DICER1: variants seen among roughly 807,000 people sequenced by gnomAD.
The protein encoded by DICER1 is dicer 1, ribonuclease III, also known as endoribonuclease Dicer.
DICER1 carries 43 observed loss-of-function variants against 194.1 expected under a neutral mutation model. That is an observed-to-expected ratio of 0.22 (90% confidence interval 0.17 to 0.29). The LOEUF (loss-of-function observed/expected upper bound fraction) is 0.29, where lower values mean the gene tolerates loss of function less well. Among genes scored for constraint, DICER1 ranks in the 10% least tolerant of loss-of-function variants. The pLI is 1.00. For synonymous variants in DICER1, 832 were observed against 820.5 expected, an observed-to-expected ratio of 1.01 and a Z score of -0.24; for missense variants, 1,608 against 2,317.0, an observed-to-expected ratio of 0.69 and a Z score of 6.28.
Position 95,126,575 on chromosome 14 carries a change from C to T in DICER1, c.903+5G>A. 6.8e-7 allele frequency: 1 copy of T among 1,480,750 alleles called. No individual in the cohort carries two copies. The highest frequency in any genetic ancestry group is 9.4e-7 in the Non-Finnish European group (1 of 1,059,906). The allele number at this position is 1,480,750 out of a possible 1,614,324, so 91.7% of individuals were successfully genotyped here. ...AATCACTATACCTACTTGGTATATG[C>T]TTACCTGTTTCGAAATTAAAGTAGA... On this transcript the variant is annotated splice_donor_5th_base_variant and intron_variant, in intron 7 of 26. Transcript: ENST00000343455.
In DICER1 at chr14:95,108,307, CATT is replaced by C. The variant is rs1566777615; in HGVS notation, c.2436+14_2436+16del. On this transcript the variant is annotated intron_variant, in intron 15 of 26. Coordinates refer to ENST00000343455, the MANE Select transcript of DICER1 (RefSeq NM_177438.3). ...GCAAGACGTTTTTGACATAAGTACT[CATT>C]ATGAAATACCTACCTGAGGTATGGG... 1 of 1,608,120 alleles carries C rather than the reference CATT, an allele frequency of 6.2e-7. No individual in the cohort carries two copies. Among genetic ancestry groups the C allele is most frequent in the African/African-American group, 1.3e-5 (1 of 74,542 alleles).
rs781520963 is a variant in DICER1, at chr14:95,090,453, A to C, written c.*45T>G. Reference sequence around the variant, plus strand: ...TTCCGATTTAAATAATTTTCCCCTTAATTTTTTTTGTTTTGTTTCTTGTTT... The same window carrying C: ...TTCCGATTTAAATAATTTTCCCCTTCATTTTTTTTGTTTTGTTTCTTGTTT... On this transcript the variant is annotated 3_prime_UTR_variant, in exon 27 of 27. Transcript: ENST00000343455. 6.2e-7 allele frequency: 1 copy of C among 1,601,256 alleles called. No individual in the cohort carries two copies. Among genetic ancestry groups the C allele is most frequent in the South Asian group, 1.1e-5 (1 of 90,750 alleles).
chr14:95,120,132 T>C (rs898564368), intron 8 of DICER1, among the ~76,000 whole-genome samples: 1 of 152,204 alleles, frequency 6.6e-6, no homozygotes, highest in Non-Finnish European at 1.5e-5. Flanking sequence ...ACACATTATT[T>C]GAAATTCCTG....
chr14:95,088,394 C>T lies in DICER1; in HGVS notation c.*2104G>A, dbSNP rs529563923. 3 of 232,540 alleles carry T rather than the reference C, an allele frequency of 1.3e-5. No individual in the cohort carries two copies. The highest frequency in any genetic ancestry group is 6.6e-5 in the African/African-American group (3 of 45,350). The allele number at this position is 232,540 out of a possible 1,614,324, so 14.4% of individuals were successfully genotyped here. ...TCAATGTATTAGACACAATGCAAAGCCCTAAGCTCCTGGCATCAGGTAGTT... is the reference window on the plus strand; with the variant it reads ...TCAATGTATTAGACACAATGCAAAGTCCTAAGCTCCTGGCATCAGGTAGTT... On this transcript the variant is annotated 3_prime_UTR_variant, in exon 27 of 27. Transcript: ENST00000343455.
At chr14:95,117,323 C>G (rs1324813990) in intron 9 of DICER1, among the ~76,000 whole-genome samples, 1 of 151,970 alleles carries the variant, frequency 6.6e-6, no homozygotes, top group Non-Finnish European at 1.5e-5. Flanking sequence ...TAAGGTCATA[C>G]ATGCTTTGTC....
At chr14:95,130,464 C>T (rs915993615) in intron 4 of DICER1, among the ~76,000 whole-genome samples, 3 of 152,266 alleles carry the variant, frequency 2.0e-5, no homozygotes, top group Middle Eastern at 6.8e-3. Flanking sequence ...TCTTAGATCC[C>T]CACAGCCATA....
rs1290563406 is a variant in DICER1 at position 95,129,482 on chromosome 14, C to T, written c.724G>A (p.Val242Ile). The T allele has an allele frequency of 6.2e-7, 1 of 1,613,660 alleles. No individual in the cohort carries two copies. Among genetic ancestry groups the T allele is most frequent in the Non-Finnish European group, 8.5e-7 (1 of 1,179,690 alleles). Residue 242 changes from valine to isoleucine, a missense_variant, in exon 6 of 27, where the codon GTC becomes ATC. Physicochemically the swap from Val to Ile is conservative, Grantham distance 29. Coordinates refer to ENST00000343455, the MANE Select transcript of DICER1 (RefSeq NM_177438.3). Reference sequence around the variant, plus strand: ...ATCAGAAGTGCATACCTGTCTAAGACCACCAGGTCAGTTGCAGTTTCAGCA... The same window carrying T: ...ATCAGAAGTGCATACCTGTCTAAGATCACCAGGTCAGTTGCAGTTTCAGCA... ...SNAETATDLV[V>I]LDRYTSQPCE...
intron 14 of DICER1, among the ~76,000 whole-genome samples, chr14:95,109,292 T>C (rs770868923): frequency 3.3e-5 from 5 of 152,262 alleles, no homozygotes; most frequent in Non-Finnish European, 5.9e-5. Flanking sequence ...GAACTGCATC[T>C]GTAGTTAAAA....
rs1286048440 is a variant in DICER1, at chr14:95,122,950, A to G, written c.1376+1246T>C. The stretch of plus-strand genomic sequence containing the variant: ...CGTGCGTGTACGCGCGCGCGCGCGC[A>G]CACACACACAAAGAAAGAAAAAGAA... On this transcript the variant is annotated intron_variant, in intron 8 of 26. Coordinates refer to ENST00000343455, the MANE Select transcript of DICER1 (RefSeq NM_177438.3). 6.8e-5 allele frequency among the ~76,000 whole-genome samples: 10 copies of G among 147,406 alleles called. No homozygotes were observed. The East Asian group carries it at 1.2e-3, about 18-fold the overall frequency.
chr14:95,116,067 A>C (rs1033555468), intron 10 of DICER1, among the ~76,000 whole-genome samples: 1 of 147,294 alleles, frequency 6.8e-6, no homozygotes, highest in Non-Finnish European at 1.5e-5. Context: ...AGACACACAC[A>C]CACACACACA....
At chr14:95,129,040 C>A (rs1312584365) in intron 6 of DICER1, 1 of 157,086 alleles carries the variant, frequency 6.4e-6, no homozygotes, top group Non-Finnish European at 1.4e-5. Flanking sequence ...AAATCCACAA[C>A]CCATTTTCAA....
intron 17 of DICER1, among the ~76,000 whole-genome samples, chr14:95,106,702 C>T (rs540236116): frequency 6.6e-6 from 1 of 151,778 alleles, no homozygotes; most frequent in African/African-American, 2.4e-5. Context: ...GATTGAATTA[C>T]AACTAGTATT....
chr14:95,114,870 C>G (rs73329801), intron 11 of DICER1, among the ~76,000 whole-genome samples: 5,323 of 152,174 alleles, frequency 0.035, 332 homozygotes, highest in African/African-American at 0.12. Flanking sequence ...CCCAGACTGA[C>G]AGTAAGACTA....
In DICER1 at chr14:95,105,843, G is replaced by C. The variant is rs1891370912; in HGVS notation, c.2988-60C>G. 4 of 1,518,110 alleles carry C rather than the reference G, an allele frequency of 2.6e-6. No individual in the cohort carries two copies. The South Asian group carries it at 3.4e-5, about 13-fold the overall frequency. The allele number at this position is 1,518,110 out of a possible 1,614,324, so 94.0% of individuals were successfully genotyped here. Reference sequence around the variant, plus strand: ...CAAAAATGAGTACATATTCACAGTGGTTCTCCAAAAACCACCTGAAGAGCT... The same window carrying C: ...CAAAAATGAGTACATATTCACAGTGCTTCTCCAAAAACCACCTGAAGAGCT... On this transcript the variant is annotated intron_variant, in intron 18 of 26. Transcript: ENST00000343455. This position sits in a 1 kb window ranked among gnomAD's most constrained non-coding sequence, Gnocchi z 4.9.
chr14:95,127,351 A>C (rs553919590), intron 6 of DICER1, among the ~76,000 whole-genome samples: 1 of 152,340 alleles, frequency 6.6e-6, no homozygotes, highest in Non-Finnish European at 1.5e-5. Context: ...GCCTTCCTAA[A>C]GTGGTACTCA....
Position 95,156,799 on chromosome 14 carries a change from T to C in DICER1, c.-46+431A>G, listed in dbSNP as rs528484154. 2.4e-3 allele frequency among the ~76,000 whole-genome samples: 363 copies of C among 152,106 alleles called. 1 individual carries two copies. The highest frequency in any genetic ancestry group is 4.3e-3 in the Non-Finnish European group (293 of 67,978). On this transcript the variant is annotated intron_variant, in intron 1 of 26. Coordinates refer to ENST00000343455, the MANE Select transcript of DICER1 (RefSeq NM_177438.3). ...CTCCGGGCGCGGCACAGCGGCCCCA[T>C]CAGAGGAGGGCCCCAGGGTGCTCCG...
At chr14:95,143,257 T>C (rs1894929905) in intron 1 of DICER1, among the ~76,000 whole-genome samples, 1 of 152,214 alleles carries the variant, frequency 6.6e-6, no homozygotes, top group Admixed American at 6.5e-5. Flanking sequence ...CTACATCACT[T>C]AGGACAGCCA....
chr14:95,148,201 T>C (rs965247278), intron 1 of DICER1, among the ~76,000 whole-genome samples: 3 of 152,132 alleles, frequency 2.0e-5, no homozygotes, highest in Admixed American at 1.3e-4. Flanking sequence ...CCAAACTCTG[T>C]CCTTCAGGGT....
At chr14:95,147,742 C>G (rs931225634) in intron 1 of DICER1, among the ~76,000 whole-genome samples, 1 of 152,204 alleles carries the variant, frequency 6.6e-6, no homozygotes, top group African/African-American at 2.4e-5. Flanking sequence ...CTCAAGACCT[C>G]CCCCACCCTT....
Sources: allele counts gnomAD v4.1 joint callset (sites outside exome capture counted in the v4.1 genomes callset), GRCh38; gene constraint gnomAD v4.1.1; non-coding constraint Gnocchi (gnomAD v3.1); transcripts MANE v1.5; gene names NCBI Gene and HGNC (gene_info 2026-07-23, HGNC 2026-07-21).